COL23A1: variants seen among roughly 807,000 people sequenced by gnomAD.
COL23A1 encodes the protein collagen alpha-1(XXIII) chain.
Under a neutral mutation model 99.3 loss-of-function variants are expected in COL23A1, and 97 were observed. The observed-to-expected ratio is 0.98, with a 90% CI of 0.83 to 1.16. The LOEUF is 1.16. Ranked by LOEUF, COL23A1 falls within the 50% of genes most tolerant of loss-of-function variation. The pLI is 0.00. For missense variants in COL23A1, 762 were observed against 757.4 expected (o/e 1.01, Z -0.07); for synonymous variants, 320 against 308.2 (o/e 1.04, Z -0.40).
intron 2 of COL23A1, among the ~76,000 whole-genome samples, chr5:178,375,793 C>T (rs865886361): frequency 2.6e-5 from 4 of 152,180 alleles, no homozygotes; most frequent in African/African-American, 9.7e-5. Context: ...CTGAAACCTC[C>T]GCCTCCCAGG....
In COL23A1 at chr5:178,450,497, A is replaced by C. The variant is rs182390086; in HGVS notation, c.361+110185T>G. Among the ~76,000 whole-genome samples, 9 of 152,262 alleles carry C rather than the reference A, an allele frequency of 5.9e-5. No individual in the cohort carries two copies. The East Asian group carries it at 1.7e-3, about 29-fold the overall frequency. On this transcript the variant is annotated intron_variant, in intron 2 of 28. Transcript: ENST00000390654. The stretch of plus-strand genomic sequence containing the variant: ...GAGAGGACATCGCACGCTGAGAACG[A>C]GGGAGCTACAGAACAGTAGTAAGCT...
chr5:178,492,424 C>T (rs560034737), intron 2 of COL23A1, among the ~76,000 whole-genome samples: 19 of 152,208 alleles, frequency 1.2e-4, no homozygotes, highest in South Asian at 4.1e-4. Context: ...CAGCCGTCTA[C>T]GAGCCAGGAG....
chr5:178,531,519 G>A (rs188549283), intron 2 of COL23A1, among the ~76,000 whole-genome samples: 33 of 152,282 alleles, frequency 2.2e-4, no homozygotes, highest in Admixed American at 1.4e-3. Flanking sequence ...ACACCCCTGA[G>A]CAGATACACC....
chr5:178,561,326 C>T (rs1384252419), intron 1 of COL23A1, among the ~76,000 whole-genome samples: 2 of 152,168 alleles, frequency 1.3e-5, no homozygotes, highest in African/African-American at 2.4e-5. Context: ...GGATCCTTGG[C>T]CTAGAAAATT....
At chr5:178,350,410 G>A (rs972441867) in intron 2 of COL23A1, among the ~76,000 whole-genome samples, 9 of 152,172 alleles carry the variant, frequency 5.9e-5, no homozygotes, top group Admixed American at 2.6e-4. Flanking sequence ...GGGAGTGGCC[G>A]GCATGGCACT....
intron 2 of COL23A1, among the ~76,000 whole-genome samples, chr5:178,527,198 G>C (rs554946209): frequency 6.6e-6 from 1 of 151,572 alleles, no homozygotes; most frequent in African/African-American, 2.4e-5. Flanking sequence ...TGAGGAGAGT[G>C]GGGGACAGCA....
At chr5:178,266,104 C>T (rs1353233226) in intron 8 of COL23A1, among the ~76,000 whole-genome samples, 2 of 152,044 alleles carry the variant, frequency 1.3e-5, no homozygotes, top group Non-Finnish European at 2.9e-5. Flanking sequence ...GCTGTGGTGC[C>T]ATCTCGTCTC....
intron 2 of COL23A1, among the ~76,000 whole-genome samples, chr5:178,358,228 GTGTA>G (rs745609333): frequency 3.6e-3 from 219 of 60,474 alleles, no homozygotes; most frequent in South Asian, 0.015. Context: ...TGTCTAATGT[GTGTA>G]TGTGTGTATG....
chr5:178,472,047 T>A (rs1756781764), intron 2 of COL23A1, among the ~76,000 whole-genome samples: 1 of 152,174 alleles, frequency 6.6e-6, no homozygotes, highest in African/African-American at 2.4e-5. Flanking sequence ...ATCCCGGTGC[T>A]GTGGGAGCTC....
rs932841736 is a variant in COL23A1 at position 178,439,943 on chromosome 5, T to G, written c.361+120739A>C. ...AAGGACTGGATTGTAGGAGTCCATG[T>G]GTACACGGTTTCTAGAAAGGACAAA... On this transcript the variant is annotated intron_variant, in intron 2 of 28. Coordinates refer to ENST00000390654, the MANE Select transcript of COL23A1 (RefSeq NM_173465.4). This position sits in a 1 kb window ranked among gnomAD's most constrained non-coding sequence, Gnocchi z 4.2. 1 of 152,184 alleles carries G rather than the reference T, an allele frequency of 6.6e-6. No homozygotes were observed. Among genetic ancestry groups the G allele is most frequent in the Non-Finnish European group, 1.5e-5 (1 of 68,042 alleles). The allele number at this position is 152,184 out of a possible 1,614,324, so 9.4% of individuals were successfully genotyped here. A position where few individuals can be genotyped will look rare whatever the true frequency, so the allele number is the denominator to read the frequency against.
chr5:178,262,566 A>G (rs1311548696), intron 9 of COL23A1, among the ~76,000 whole-genome samples: 1 of 152,140 alleles, frequency 6.6e-6, no homozygotes, highest in African/African-American at 2.4e-5. Context: ...CATGGGCTCC[A>G]CAATGAAGGG....
At chr5:178,504,269 G>A (rs1180540296) in intron 2 of COL23A1, among the ~76,000 whole-genome samples, 2 of 152,096 alleles carry the variant, frequency 1.3e-5, no homozygotes, top group Non-Finnish European at 2.9e-5. Context: ...CTGCTAAGTT[G>A]GGCAGACAGA....
intron 2 of COL23A1, among the ~76,000 whole-genome samples, chr5:178,403,040 T>C (rs1414325529): frequency 7.1e-6 from 1 of 141,284 alleles, no homozygotes; most frequent in East Asian, 2.1e-4. Context: ...ACCCAGGAGG[T>C]GGAGGTTGAA....
At chr5:178,499,288 C>A (rs533156594) in intron 2 of COL23A1, among the ~76,000 whole-genome samples, 43 of 152,120 alleles carry the variant, frequency 2.8e-4, no homozygotes, top group Non-Finnish European at 5.6e-4. Context: ...TGAAAGAGAT[C>A]TCGCTGCCTG....
At chr5:178,584,047 A>G (rs1009569926) in intron 1 of COL23A1, among the ~76,000 whole-genome samples, 2 of 151,880 alleles carry the variant, frequency 1.3e-5, no homozygotes, top group African/African-American at 4.8e-5. Flanking sequence ...TTTTTTTGAG[A>G]TGTACTCACC....
chr5:178,514,415 G>A (rs1356187442), intron 2 of COL23A1, among the ~76,000 whole-genome samples: 1 of 152,230 alleles, frequency 6.6e-6, no homozygotes, highest in Admixed American at 6.5e-5. Context: ...ACTGTTTGGA[G>A]TATATCCCCA....
chr5:178,247,793 A>AG lies in COL23A1; in HGVS notation c.1250dup (p.Gly418TrpfsTer29). ...TCCTTACCATCGGGCCTGGGGGGCC[A>AG]GGGGGGCCAGGGGGCCCTGGCTCCA... is the stretch of plus-strand genomic sequence containing the variant. On this transcript the variant is annotated frameshift_variant, in exon 21 of 29. Coordinates refer to ENST00000390654, the MANE Select transcript of COL23A1 (RefSeq NM_173465.4). LOFTEE classifies it high-confidence loss of function. The AG allele has an allele frequency of 6.2e-7, 1 of 1,611,718 alleles. No individual in the cohort carries two copies. Among genetic ancestry groups the AG allele is most frequent in the Non-Finnish European group, 8.5e-7 (1 of 1,179,068 alleles).
intron 2 of COL23A1, among the ~76,000 whole-genome samples, chr5:178,462,776 T>C (rs1756193222): frequency 6.6e-6 from 1 of 152,232 alleles, no homozygotes; most frequent in South Asian, 2.1e-4. Context: ...TAGATGCCTG[T>C]AGCAAAAGAA....
At chr5:178,388,028 A>G (rs1449303981) in intron 2 of COL23A1, among the ~76,000 whole-genome samples, 1 of 152,142 alleles carries the variant, frequency 6.6e-6, no homozygotes, top group Admixed American at 6.5e-5. Flanking sequence ...TCCTCAGGGC[A>G]TGTCCACCCA....
Sources: gnomAD v4.1 joint callset for allele counts (sites outside exome capture counted in the v4.1 genomes callset) on GRCh38, gnomAD v4.1.1 for gene constraint, Gnocchi (gnomAD v3.1) non-coding constraint, MANE v1.5 for transcripts, NCBI Gene and HGNC (gene_info 2026-07-23, HGNC 2026-07-21) for gene names.